Variants in SGCZ observed in about 807,000 individuals in gnomAD.
SGCZ encodes the protein zeta-sarcoglycan.
SGCZ carries 40 observed loss-of-function variants against 41.3 expected under a neutral mutation model. That is an observed-to-expected ratio of 0.97 (90% CI 0.75 to 1.26). The LOEUF (loss-of-function observed/expected upper bound fraction) is 1.26. Among genes scored for constraint, SGCZ ranks in the 50% most tolerant of loss-of-function variants. The pLI is 0.00. For missense variants in SGCZ, 552 were observed against 369.8 expected (o/e 1.49, Z -4.04); for synonymous variants, 206 against 137.5 (o/e 1.50, Z -3.49).
At chr8:14,706,617 C>T (rs1809340031) in intron 1 of SGCZ, among the ~76,000 whole-genome samples, 1 of 151,940 alleles carries the variant, frequency 6.6e-6, no homozygotes. Context: ...AATTATAATC[C>T]CATAGCCTGA....
intron 2 of SGCZ, among the ~76,000 whole-genome samples, chr8:14,529,068 T>C (rs1306592177): frequency 2.0e-5 from 3 of 152,084 alleles, no homozygotes; most frequent in African/African-American, 7.2e-5. Flanking sequence ...TCTACATCGC[T>C]CATCAACCAC....
intron 1 of SGCZ, among the ~76,000 whole-genome samples, chr8:15,032,094 T>C (rs967338313): frequency 6.6e-6 from 1 of 152,102 alleles, no homozygotes; most frequent in African/African-American, 2.4e-5. Context: ...AGTGTCCTCA[T>C]TCTAAAATCA....
chr8:14,657,834 T>C (rs1807625156), intron 1 of SGCZ, among the ~76,000 whole-genome samples: 1 of 152,176 alleles, frequency 6.6e-6, no homozygotes. Context: ...AAATTACTTT[T>C]AAAAAACTTA....
At chr8:14,395,918 G>A (rs924134471) in intron 2 of SGCZ, among the ~76,000 whole-genome samples, 3 of 152,182 alleles carry the variant, frequency 2.0e-5, no homozygotes, top group Admixed American at 1.3e-4. Context: ...TGATGCCTTT[G>A]TAGCAGAGGA....
intron 1 of SGCZ, among the ~76,000 whole-genome samples, chr8:14,819,317 CT>C (rs1383608913): frequency 6.6e-6 from 1 of 152,098 alleles, no homozygotes; most frequent in Non-Finnish European, 1.5e-5. Context: ...AAGGTCTTTA[CT>C]TTTCCTTCAT....
At chr8:15,020,557 A>G (rs1047898491) in intron 1 of SGCZ, among the ~76,000 whole-genome samples, 5 of 152,298 alleles carry the variant, frequency 3.3e-5, no homozygotes, top group African/African-American at 1.2e-4. Flanking sequence ...TCGCCACCAG[A>G]AAATATTAAC....
intron 5 of SGCZ, among the ~76,000 whole-genome samples, chr8:14,121,864 T>C (rs1437589282): frequency 1.3e-5 from 2 of 152,218 alleles, no homozygotes; most frequent in Non-Finnish European, 2.9e-5. Context: ...TCCAAAAGAC[T>C]ATGTAGGTTT....
chr8:14,728,741 G>C (rs559364700), intron 1 of SGCZ, among the ~76,000 whole-genome samples: 2 of 152,220 alleles, frequency 1.3e-5, no homozygotes, highest in South Asian at 4.1e-4. Context: ...TTATCTGAAA[G>C]AGCTTCTCAA....
intron 1 of SGCZ, among the ~76,000 whole-genome samples, chr8:15,186,302 T>TAAAAAAAAAA (rs1800342203): frequency 5.2e-5 from 5 of 96,596 alleles, no homozygotes; most frequent in South Asian, 3.1e-4. Flanking sequence ...AAAAAAAAAG[T>TAAAAAAAAAA]TAATTTCTCT....
chr8:14,824,614 C>T (rs1802229803), intron 1 of SGCZ, among the ~76,000 whole-genome samples: 2 of 151,880 alleles, frequency 1.3e-5, no homozygotes, highest in Admixed American at 1.3e-4. Context: ...CATGTGAAGA[C>T]CAAGAACCTG....
intron 1 of SGCZ, among the ~76,000 whole-genome samples, chr8:14,660,230 G>A (rs1510444): frequency 0.59 from 88,933 of 151,934 alleles, 28,328 homozygotes; most frequent in African/African-American, 0.83. Flanking sequence ...GACACTGTTC[G>A]GTGTATGAAG....
intron 1 of SGCZ, among the ~76,000 whole-genome samples, chr8:14,924,201 C>G (rs1333100438): frequency 6.6e-6 from 1 of 152,172 alleles, no homozygotes; most frequent in East Asian, 1.9e-4. Flanking sequence ...CATTTCTTTT[C>G]TTTCTCCTAC....
At chr8:14,775,006 T>C (rs980018534) in intron 1 of SGCZ, among the ~76,000 whole-genome samples, 3 of 152,146 alleles carry the variant, frequency 2.0e-5, no homozygotes, top group East Asian at 1.9e-4. Context: ...AAAATGCTTG[T>C]ATGGAAAATA....
At chr8:14,538,485 G>C (rs1300203969) in intron 2 of SGCZ, among the ~76,000 whole-genome samples, 1 of 151,878 alleles carries the variant, frequency 6.6e-6, no homozygotes, top group African/African-American at 2.4e-5. Flanking sequence ...GTGGAAGTGA[G>C]GACTGTGGCC....
At chr8:14,378,830 T>A (rs1186880762) in intron 2 of SGCZ, among the ~76,000 whole-genome samples, 1 of 152,072 alleles carries the variant, frequency 6.6e-6, no homozygotes, top group Non-Finnish European at 1.5e-5. Context: ...GGGAATAAAC[T>A]CTGCACACTG....
chr8:14,924,283 A>T (rs1799677746), intron 1 of SGCZ, among the ~76,000 whole-genome samples: 1 of 152,228 alleles, frequency 6.6e-6, no homozygotes, highest in South Asian at 2.1e-4. Context: ...CTGTATAGAA[A>T]TGAAGTTTTT....
At chr8:15,149,539 C>T (rs1413239298) in intron 1 of SGCZ, among the ~76,000 whole-genome samples, 1 of 152,094 alleles carries the variant, frequency 6.6e-6, no homozygotes, top group East Asian at 1.9e-4. Flanking sequence ...TTGATATGCT[C>T]TAGCCAACCC....
At chr8:14,337,951 C>T (rs552995704) in intron 2 of SGCZ, among the ~76,000 whole-genome samples, 4 of 152,230 alleles carry the variant, frequency 2.6e-5, no homozygotes, top group South Asian at 2.1e-4. Flanking sequence ...GGGTGTAACA[C>T]ATAGAAGGTT....
At chr8:14,258,395 C>T (rs541327988) in intron 3 of SGCZ, among the ~76,000 whole-genome samples, 197 of 152,170 alleles carry the variant, frequency 1.3e-3, no homozygotes, top group Middle Eastern at 6.8e-3. Flanking sequence ...AATACTCTGA[C>T]CTACTGGAGG....
Sources: allele counts gnomAD v4.1 joint callset (sites outside exome capture counted in the v4.1 genomes callset), GRCh38; gene constraint gnomAD v4.1.1; transcripts MANE v1.5; gene names NCBI Gene and HGNC (gene_info 2026-07-23, HGNC 2026-07-21).